PPP1R17: variants seen among roughly 807,000 people sequenced by gnomAD.
The protein encoded by PPP1R17 is protein phosphatase 1 regulatory subunit 17.
Under a neutral mutation model 15.9 loss-of-function variants are expected in PPP1R17, and 12 were observed. The observed-to-expected ratio is 0.75, with a 90% confidence interval of 0.48 to 1.22. The LOEUF (loss-of-function observed/expected upper bound fraction) is 1.22. Ranked by LOEUF, PPP1R17 falls within the 50% of genes most tolerant of loss-of-function variation. PPP1R17 has a pLI of 0.00. For missense variants in PPP1R17, 211 were observed against 187.3 expected (o/e 1.13, Z -0.74); for synonymous variants, 63 against 64.5 (o/e 0.98, Z 0.11).
At chr7:31,702,207 A>ATTTT (rs34824281) in intron 4 of PPP1R17, among the ~76,000 whole-genome samples, 48 of 141,976 alleles carry the variant, frequency 3.4e-4, no homozygotes, top group East Asian at 1.1e-3. Flanking sequence ...ACCCTTATTT[A>ATTTT]TTTTTTTTTT....
At chr7:31,693,935 C>A (rs1021476115) in intron 2 of PPP1R17, among the ~76,000 whole-genome samples, 102 of 152,256 alleles carry the variant, frequency 6.7e-4, no homozygotes, top group African/African-American at 2.3e-3. Context: ...TATATCCAGG[C>A]CATACTTAGA....
At position 31,692,993 on chromosome 7, in the gene PPP1R17, AC is replaced by A. The variant is rs1171928059; in HGVS notation, c.82+471del. On this transcript the variant is annotated intron_variant, in intron 2 of 4. Transcript: ENST00000342032. ...TCAATCTGTTTCCTTTCCAGAACTG[AC>A]TTTTTGCATAACCTTTGTAATGAAA... 3.9e-5 allele frequency among the ~76,000 whole-genome samples: 6 copies of A among 152,122 alleles called. No homozygotes were observed. The East Asian group carries it at 5.8e-4, about 15-fold the overall frequency.
chr7:31,694,368 GCTCT>G (rs58613705), intron 2 of PPP1R17, among the ~76,000 whole-genome samples: 13,450 of 119,388 alleles, frequency 0.11, 703 homozygotes, highest in East Asian at 0.33. Context: ...AACAATTTTA[GCTCT>G]CTCTCTCTCT....
intron 3 of PPP1R17, among the ~76,000 whole-genome samples, chr7:31,696,632 ACTGCT>A (rs1554308197): frequency 6.6e-6 from 1 of 152,188 alleles, no homozygotes; most frequent in Non-Finnish European, 1.5e-5. Flanking sequence ...CTTGGGCTCA[ACTGCT>A]CTGTGACACC....
intron 4 of PPP1R17, 35 bp from the exon 5 acceptor site, chr7:31,707,169 G>A (rs1206300026): frequency 7.0e-6 from 11 of 1,581,844 alleles, no homozygotes; most frequent in East Asian, 2.2e-5. Context: ...TTTAATTAGA[G>A]GTACTTAATT....
At chr7:31,690,472 T>C (rs1792295222) in intron 1 of PPP1R17, among the ~76,000 whole-genome samples, 1 of 151,930 alleles carries the variant, frequency 6.6e-6, no homozygotes, top group Non-Finnish European at 1.5e-5. Context: ...GCAAATTTTA[T>C]TGTAGCAGAC....
At chr7:31,693,833 A>C (rs182576232) in intron 2 of PPP1R17, among the ~76,000 whole-genome samples, 86 of 152,328 alleles carry the variant, frequency 5.6e-4, no homozygotes, top group African/African-American at 2.0e-3. Context: ...GAAGGAAGAG[A>C]AGGAAATGAA....
chr7:31,691,224 A>C (rs931037063), intron 1 of PPP1R17, among the ~76,000 whole-genome samples: 3 of 152,232 alleles, frequency 2.0e-5, no homozygotes, highest in Non-Finnish European at 4.4e-5. Context: ...ATCTCAGCAC[A>C]TAGAGGAAGA....
At chr7:31,700,693 C>T (rs1019880101) in intron 4 of PPP1R17, among the ~76,000 whole-genome samples, 1 of 152,044 alleles carries the variant, frequency 6.6e-6, no homozygotes, top group African/African-American at 2.4e-5. Flanking sequence ...AAGGACAGGC[C>T]AACTCTCTTG....
intron 1 of PPP1R17, among the ~76,000 whole-genome samples, chr7:31,692,085 C>A (rs1007924912): frequency 6.6e-6 from 1 of 152,194 alleles, no homozygotes; most frequent in Non-Finnish European, 1.5e-5. Context: ...TGACTCTCAG[C>A]TAATTCACTT....
At chr7:31,692,547 T>A (rs1048650688) in intron 2 of PPP1R17, 24 bp downstream of exon 2, 4 of 1,565,508 alleles carry the variant, frequency 2.6e-6, no homozygotes, top group South Asian at 1.1e-5. Context: ...CGATTGTGAA[T>A]GTCAGTGGTG....
intron 3 of PPP1R17, 90 bp from the exon 4 acceptor site, chr7:31,696,875 T>A: frequency 7.1e-7 from 1 of 1,410,950 alleles, no homozygotes. Context: ...TTGACTGTCT[T>A]CACCAGATGT....
chr7:31,707,438 C>T lies in PPP1R17; in HGVS notation c.*155C>T. 1.7e-6 allele frequency: 1 copy of T among 605,050 alleles called. No homozygotes were observed. Among genetic ancestry groups the T allele is most frequent in the Non-Finnish European group, 2.9e-6 (1 of 344,714 alleles). The allele number at this position is 605,050 out of a possible 1,614,324, so 37.5% of individuals were successfully genotyped here. A position where few individuals can be genotyped will look rare whatever the true frequency, so the allele number is the denominator to read the frequency against. On this transcript the variant is annotated 3_prime_UTR_variant, in exon 5 of 5. Coordinates refer to ENST00000342032, the MANE Select transcript of PPP1R17 (RefSeq NM_006658.5). Reference sequence around the variant, plus strand: ...CAGGAGATGTATGCCATCAAATTGCCAGTCACCTCTTTGTCTCTCTCTTCT... The same window carrying T: ...CAGGAGATGTATGCCATCAAATTGCTAGTCACCTCTTTGTCTCTCTCTTCT...
At chr7:31,690,261 TA>T (rs1037341644) in intron 1 of PPP1R17, among the ~76,000 whole-genome samples, 2 of 152,230 alleles carry the variant, frequency 1.3e-5, no homozygotes, top group Non-Finnish European at 2.9e-5. Flanking sequence ...CAACATTACA[TA>T]AAAATAGCTG....
intron 4 of PPP1R17, among the ~76,000 whole-genome samples, chr7:31,699,578 A>G (rs1792753693): frequency 1.3e-5 from 2 of 152,150 alleles, no homozygotes; most frequent in Non-Finnish European, 2.9e-5. Context: ...TGCAGTGTTA[A>G]TGGAATATAG....
At chr7:31,688,181 G>A (rs552788943) in intron 1 of PPP1R17, among the ~76,000 whole-genome samples, 11 of 152,228 alleles carry the variant, frequency 7.2e-5, no homozygotes, top group Admixed American at 4.6e-4. Context: ...CATTCTATGG[G>A]TAATACTCTC....
Position 31,692,593 on chromosome 7 carries a change from G to A in PPP1R17, c.82+70G>A, listed in dbSNP as rs1792404867. On this transcript the variant is annotated intron_variant, in intron 2 of 4. Transcript: ENST00000342032. ...AAGAGGCGTCTCAGCCATTTGGTTT[G>A]CAGGCAAGTCAGAGAGAGGGCACCC... 9 of 1,460,126 alleles carry A rather than the reference G, an allele frequency of 6.2e-6. No individual in the cohort carries two copies. In the South Asian group the frequency reaches 1.0e-4, roughly 17 times the overall value. 90.4% of individuals were successfully genotyped at this position (1,460,126 alleles called of 1,614,324 possible).
Position 31,687,306 on chromosome 7 carries a change from G to A in PPP1R17, c.-37G>A, listed in dbSNP as rs895629421. On this transcript the variant is annotated splice_region_variant and 5_prime_UTR_variant, in exon 1 of 5. In the 5' UTR this introduces an upstream ATG that the reference lacks. Coordinates refer to ENST00000342032, the MANE Select transcript of PPP1R17 (RefSeq NM_006658.5). ...TCGCTTCCCTGCATCTGCGCTGATT[G>A]GTAAGTGCTTCAGATTTTTACTCCA... is the stretch of plus-strand genomic sequence containing the variant. The A allele has an allele frequency of 1.3e-5, 2 of 152,262 alleles. No individual in the cohort carries two copies. Among genetic ancestry groups the A allele is most frequent in the African/African-American group, 4.8e-5 (2 of 41,460 alleles). 9.4% of individuals were successfully genotyped at this position (152,262 alleles called of 1,614,324 possible).
intron 1 of PPP1R17, among the ~76,000 whole-genome samples, chr7:31,691,419 A>G (rs772121330): frequency 6.6e-6 from 1 of 152,136 alleles, no homozygotes; most frequent in Admixed American, 6.5e-5. Context: ...CTCCCCCACC[A>G]CTCTTGCTAT....
Sources: gnomAD v4.1 joint callset for allele counts (sites outside exome capture counted in the v4.1 genomes callset) on GRCh38, gnomAD v4.1.1 for gene constraint, MANE v1.5 for transcripts, NCBI Gene and HGNC (gene_info 2026-07-23, HGNC 2026-07-21) for gene names.